MYH14: variants seen among roughly 807,000 people sequenced by gnomAD.
MYH14 encodes the protein myosin heavy chain 14.
MYH14 carries 123 observed loss-of-function variants against 255.5 expected under a neutral mutation model. The observed-to-expected ratio is 0.48, with a 90% CI of 0.42 to 0.56. The LOEUF is 0.56. Ranked by LOEUF, MYH14 falls within the 20% of genes least tolerant of loss-of-function variation. The probability of loss-of-function intolerance (pLI) is 0.00; values close to 1 mark genes in which losing one functional copy is unlikely to be tolerated. For missense variants in MYH14, 2,423 were observed against 2,802.3 expected, an observed-to-expected ratio of 0.86 and a Z score of 3.06; for synonymous variants, 1,095 against 1,161.2, an observed-to-expected ratio of 0.94 and a Z score of 1.16.
At chr19:50,213,278 C>G (rs114768401) in intron 2 of MYH14, among the ~76,000 whole-genome samples, 1 of 152,106 alleles carries the variant, frequency 6.6e-6, no homozygotes, top group South Asian at 2.1e-4. Context: ...ATACTCTGAG[C>G]GCTCCCAGCA....
chr19:50,251,591 T>A (rs1193511852), intron 15 of MYH14, among the ~76,000 whole-genome samples: 1 of 149,798 alleles, frequency 6.7e-6, no homozygotes, highest in South Asian at 2.1e-4. Flanking sequence ...TATTTTTTTT[T>A]ATTTGAGACA....
chr19:50,219,300 C>A (rs2032682215), intron 3 of MYH14, among the ~76,000 whole-genome samples: 1 of 151,478 alleles, frequency 6.6e-6, no homozygotes, highest in South Asian at 2.1e-4. Flanking sequence ...GGTGGATACC[C>A]CAGAGTAGGG....
chr19:50,249,483 C>T, intron 13 of MYH14, 167 bp from the exon 14 acceptor site: 2 of 774,490 alleles, frequency 2.6e-6, no homozygotes, highest in Non-Finnish European at 4.1e-6. Context: ...GCTCTGTCCC[C>T]TGTCTCTGGG....
rs921189646 is a variant in MYH14 at position 50,301,994 on chromosome 19, C to T, written c.5678+125C>T. The T allele has an allele frequency of 1.7e-4, 135 of 800,150 alleles. 1 individual carries two copies. The highest frequency in any genetic ancestry group is 4.8e-5 in the Non-Finnish European group (24 of 502,360). The allele number at this position is 800,150 out of a possible 1,614,324, so 49.6% of individuals were successfully genotyped here. On this transcript the variant is annotated intron_variant, in intron 40 of 42. Coordinates refer to ENST00000642316, the MANE Select transcript of MYH14 (RefSeq NM_001145809.2). ...AAAGACATCATCATAGTAATGACTG[C>T]TGGCCTGGCATGGTGGCTCACGCCT...
intron 33 of MYH14, 87 bp downstream of exon 33, chr19:50,281,929 T>C: frequency 6.9e-7 from 1 of 1,439,036 alleles, no homozygotes; most frequent in African/African-American, 1.4e-5. Flanking sequence ...TAATCCGTGC[T>C]GTCACGGCTC....
chr19:50,267,277 C>T (rs2035123564), intron 23 of MYH14, among the ~76,000 whole-genome samples: 1 of 149,842 alleles, frequency 6.7e-6, no homozygotes, highest in African/African-American at 2.5e-5. Flanking sequence ...GAGAGTCCTG[C>T]AGAGCCAGAA....
intron 39 of MYH14, among the ~76,000 whole-genome samples, chr19:50,297,491 CT>C (rs869049808): frequency 1.0e-3 from 75 of 74,340 alleles, no homozygotes; most frequent in African/African-American, 2.6e-3. Context: ...CTCATCTCCT[CT>C]TTTTTTTTTT....
chr19:50,266,918 G>C lies in MYH14; in HGVS notation c.2736G>C (p.Leu912=). 6.4e-7 allele frequency: 1 copy of C among 1,552,616 alleles called. No homozygotes were observed. Among genetic ancestry groups the C allele is most frequent in the Middle Eastern group, 1.7e-4 (1 of 5,984 alleles). Residue 912 remains leucine, a synonymous_variant, in exon 23 of 43, where the codon CTG becomes CTC. Coordinates refer to ENST00000642316, the MANE Select transcript of MYH14 (RefSeq NM_001145809.2). This position sits in a 1 kb window ranked among gnomAD's most constrained non-coding sequence, Gnocchi z 4.1. The part of the protein sequence containing the change: ...LLQVTRQDEV[L]QARAQELQKV... ...AGGTGACGCGGCAGGATGAGGTGCT[G>C]CAGGCACGGGCCCAGGAGCTGCAGA... is the stretch of plus-strand genomic sequence containing the variant.
At position 50,250,682 on chromosome 19, in the gene MYH14, G is replaced by A. The variant is rs903381620; in HGVS notation, c.1824G>A (p.Ala608=). 5.6e-6 allele frequency: 9 copies of A among 1,611,082 alleles called. No individual in the cohort carries two copies. Among genetic ancestry groups the A allele is most frequent in the Non-Finnish European group, 7.6e-6 (9 of 1,177,540 alleles). The change falls in exon 15 of 43, where the codon GCG becomes GCA. Residue 608 remains alanine, a synonymous_variant. Transcript: ENST00000642316. This position sits in a 1 kb window ranked among gnomAD's most constrained non-coding sequence, Gnocchi z 5.4. ...DQADFSVLHY[A]GKVDYKANEW... is the part of the protein sequence containing the mutation. ...CCGACTTCAGTGTTCTCCACTACGCGGGCAAGGTAGGGGCTGGGGCCGGCC... is the reference window on the plus strand; with the variant it reads ...CCGACTTCAGTGTTCTCCACTACGCAGGCAAGGTAGGGGCTGGGGCCGGCC...
intron 40 of MYH14, among the ~76,000 whole-genome samples, chr19:50,305,612 C>T (rs182107612): frequency 4.0e-4 from 61 of 152,022 alleles, no homozygotes; most frequent in Non-Finnish European, 7.5e-4. Flanking sequence ...ACTGAGGTTC[C>T]GAGGGAGTAG....
At chr19:50,283,921 A>G (rs1312244316) in intron 33 of MYH14, among the ~76,000 whole-genome samples, 2 of 152,096 alleles carry the variant, frequency 1.3e-5, no homozygotes, top group Admixed American at 1.3e-4. Flanking sequence ...AAAAATACAA[A>G]ATTAGGTAGG....
intron 4 of MYH14, 54 bp downstream of exon 4, chr19:50,223,164 C>T (rs2032921497): frequency 3.1e-6 from 5 of 1,609,536 alleles, no homozygotes; most frequent in Non-Finnish European, 1.7e-6. Flanking sequence ...TGGGGCGTGG[C>T]TGTGTTTGGA....
At chr19:50,239,619 C>G (rs672265) in intron 10 of MYH14, among the ~76,000 whole-genome samples, 146,561 of 152,124 alleles carry the variant, frequency 0.96, 70,654 homozygotes, top group African/African-American at 0.99. Context: ...GCCCGATCTC[C>G]GCTCACTGCA....
Position 50,244,782 on chromosome 19 carries a change from C to T in MYH14, c.1210+445C>T, listed in dbSNP as rs528820570. Among the ~76,000 whole-genome samples the T allele has an allele frequency of 1.9e-3, 291 of 152,194 alleles. 3 individuals carry two copies. The highest frequency in any genetic ancestry group is 6.7e-3 in the African/African-American group (279 of 41,532). On this transcript the variant is annotated intron_variant, in intron 11 of 42. Coordinates refer to ENST00000642316, the MANE Select transcript of MYH14 (RefSeq NM_001145809.2). ...ACAGGCCTGAGCCACCGTGCCTGGC[C>T]GATTTCCTGCTTTTTGCTGAGTCTT...
chr19:50,266,291 G>T lies in MYH14; in HGVS notation c.2695-586G>T, dbSNP rs1229023392. ...AAACACTGGCCTTTGGCCAGGCATG[G>T]TGGCTCATGCCTATATCCCAACACT... On this transcript the variant is annotated intron_variant, in intron 22 of 42. Coordinates refer to ENST00000642316, the MANE Select transcript of MYH14 (RefSeq NM_001145809.2). The surrounding 1 kb of genome is among the most constrained non-coding windows in gnomAD (Gnocchi z 4.1). 6.6e-6 allele frequency among the ~76,000 whole-genome samples: 1 copy of T among 152,314 alleles called. No individual in the cohort carries two copies. The highest frequency in any genetic ancestry group is 2.4e-5 in the African/African-American group (1 of 41,580).
At chr19:50,272,109 C>A in intron 26 of MYH14, 137 bp downstream of exon 26, 3 of 1,175,100 alleles carry the variant, frequency 2.6e-6, no homozygotes, top group Non-Finnish European at 3.6e-6. Flanking sequence ...GATTGAGTGT[C>A]CTCCCAGCTC....
intron 40 of MYH14, 87 bp from the exon 41 acceptor site, chr19:50,306,962 C>T: frequency 1.0e-6 from 1 of 968,686 alleles, no homozygotes; most frequent in South Asian, 1.4e-5. Flanking sequence ...AATCCAAGAA[C>T]AAGGTGACAG....
chr19:50,302,770 C>G (rs2036535189), intron 40 of MYH14, among the ~76,000 whole-genome samples: 1 of 151,920 alleles, frequency 6.6e-6, no homozygotes, highest in Admixed American at 6.6e-5. Flanking sequence ...GGCGTGGTGG[C>G]ACGTGCCTGT....
chr19:50,234,527 G>A (rs540443070), intron 10 of MYH14, among the ~76,000 whole-genome samples: 3 of 152,150 alleles, frequency 2.0e-5, no homozygotes, highest in African/African-American at 4.8e-5. Flanking sequence ...GCAAACAGCC[G>A]GGCCTCTTGT....
Sources: gnomAD v4.1 joint callset for allele counts (sites outside exome capture counted in the v4.1 genomes callset) on GRCh38, gnomAD v4.1.1 for gene constraint, Gnocchi (gnomAD v3.1) non-coding constraint, MANE v1.5 for transcripts, NCBI Gene and HGNC (gene_info 2026-07-23, HGNC 2026-07-21) for gene names.